Variants in TENM4 observed in about 807,000 individuals in gnomAD.
The protein encoded by TENM4 is teneurin-4.
Under a neutral mutation model 243.3 loss-of-function variants are expected in TENM4, and 82 were observed. The observed-to-expected ratio is 0.34, with a 90% CI of 0.28 to 0.40. The LOEUF is 0.40. TENM4 is among the 10% of genes least tolerant of loss of function. TENM4 has a pLI of 1.00. For synonymous variants in TENM4, 1,412 were observed against 1,456.3 expected, an observed-to-expected ratio of 0.97 and a Z score of 0.69; for missense variants, 3,138 against 3,673.3, an observed-to-expected ratio of 0.85 and a Z score of 3.77.
intron 1 of TENM4, among the ~76,000 whole-genome samples, chr11:79,316,736 T>A (rs1856809043): frequency 6.6e-6 from 1 of 152,180 alleles, no homozygotes; most frequent in Admixed American, 6.5e-5. Context: ...CAAGAGTGCC[T>A]GTGGATTATA....
chr11:78,765,076 C>A (rs747255444), intron 18 of TENM4, among the ~76,000 whole-genome samples: 48 of 152,184 alleles, frequency 3.2e-4, no homozygotes, highest in Non-Finnish European at 3.4e-4. Flanking sequence ...CTTAACTCTT[C>A]CTTGGCTTGA....
intron 3 of TENM4, among the ~76,000 whole-genome samples, chr11:79,194,862 G>A (rs1020606764): frequency 8.5e-5 from 13 of 152,200 alleles, no homozygotes; most frequent in African/African-American, 3.1e-4. Flanking sequence ...AAGACCATGG[G>A]AAAAATATCT....
intron 12 of TENM4, among the ~76,000 whole-genome samples, chr11:78,839,194 A>T (rs988987826): frequency 6.6e-6 from 1 of 152,208 alleles, no homozygotes; most frequent in African/African-American, 2.4e-5. Flanking sequence ...CATGCAATCA[A>T]ATCTCTTCAA....
intron 29 of TENM4, among the ~76,000 whole-genome samples, chr11:78,677,991 T>C (rs1480351143): frequency 9.4e-6 from 1 of 105,956 alleles, no homozygotes; most frequent in Non-Finnish European, 1.9e-5. Context: ...ATCTCATTGT[T>C]CAATTCCCAC....
At chr11:79,188,493 G>T (rs554375560) in intron 3 of TENM4, among the ~76,000 whole-genome samples, 1 of 152,010 alleles carries the variant, frequency 6.6e-6, no homozygotes, top group South Asian at 2.1e-4. Context: ...GATGATGGAG[G>T]TGAGGAAAAG....
intron 32 of TENM4, among the ~76,000 whole-genome samples, chr11:78,666,145 CT>C (rs745836670): frequency 5.9e-5 from 9 of 152,266 alleles, no homozygotes; most frequent in South Asian, 2.1e-4. Context: ...GTAACAGTAT[CT>C]TGGTTCTTAT....
At chr11:79,053,567 C>T (rs982455362) in intron 6 of TENM4, among the ~76,000 whole-genome samples, 3 of 152,194 alleles carry the variant, frequency 2.0e-5, no homozygotes, top group African/African-American at 7.2e-5. Context: ...TAGATCTTTG[C>T]TGTTTCCTAA....
chr11:79,252,395 C>T (rs1005468901), intron 2 of TENM4, among the ~76,000 whole-genome samples: 22 of 152,114 alleles, frequency 1.4e-4, no homozygotes, highest in African/African-American at 4.6e-4. Flanking sequence ...CCACCACACC[C>T]GGCTAATTTT....
intron 6 of TENM4, among the ~76,000 whole-genome samples, chr11:78,938,226 C>T (rs765738390): frequency 1.3e-5 from 2 of 152,244 alleles, no homozygotes; most frequent in Non-Finnish European, 2.9e-5. Flanking sequence ...TTTCTATATT[C>T]TGCCTGCTGG....
At chr11:78,926,676 TG>T (rs1369482192) in intron 6 of TENM4, among the ~76,000 whole-genome samples, 2,825 of 137,488 alleles carry the variant, frequency 0.021, 89 homozygotes, top group African/African-American at 0.075. Flanking sequence ...AGGTGTTTTT[TG>T]TTTTTTTTTT....
At chr11:79,219,834 C>T (rs77925868) in intron 2 of TENM4, among the ~76,000 whole-genome samples, 4,695 of 152,248 alleles carry the variant, frequency 0.031, 263 homozygotes, top group African/African-American at 0.11. Flanking sequence ...ATGCAGAGTG[C>T]CTCTGCTTCT....
chr11:79,409,377 A>G (rs961081698), intron 1 of TENM4, among the ~76,000 whole-genome samples: 23 of 152,010 alleles, frequency 1.5e-4, no homozygotes, highest in Non-Finnish European at 5.9e-5. Context: ...TGAGGCATAC[A>G]TTTCTAAGGC....
At chr11:78,966,835 A>T (rs1857446865) in intron 6 of TENM4, among the ~76,000 whole-genome samples, 2 of 152,056 alleles carry the variant, frequency 1.3e-5, no homozygotes, top group African/African-American at 2.4e-5. Flanking sequence ...GTCCACTGAG[A>T]CTTGCTGAGA....
intron 1 of TENM4, among the ~76,000 whole-genome samples, chr11:79,400,012 G>A (rs185019609): frequency 2.0e-4 from 31 of 152,064 alleles, no homozygotes; most frequent in Non-Finnish European, 3.2e-4. Flanking sequence ...AAACCAGAGA[G>A]CTATCAAGTC....
At chr11:78,998,697 G>A (rs993160917) in intron 6 of TENM4, among the ~76,000 whole-genome samples, 1 of 152,174 alleles carries the variant, frequency 6.6e-6, no homozygotes, top group Non-Finnish European at 1.5e-5. Context: ...TGGCTTACAA[G>A]GTCAGTGGGA....
At chr11:79,071,543 C>G (rs7936970) in intron 4 of TENM4, among the ~76,000 whole-genome samples, 140,764 of 152,120 alleles carry the variant, frequency 0.93, 65,413 homozygotes, top group Middle Eastern at 0.98. Context: ...GATATAAAAG[C>G]TATGACTTTA....
At chr11:78,989,721 G>C (rs1169324071) in intron 6 of TENM4, among the ~76,000 whole-genome samples, 2 of 152,152 alleles carry the variant, frequency 1.3e-5, no homozygotes, top group Non-Finnish European at 2.9e-5. Context: ...GAGCAGCAGT[G>C]CTTAATGAAT....
rs144746790 is a variant in TENM4, at chr11:78,666,082, A to C, written c.7408+2855T>G. ...TTTTTTGTTGTTGTTGCTGGATGGG[A>C]ATGAAGATGCATGTAGTCTACCTGG... On this transcript the variant is annotated intron_variant, in intron 32 of 33. Transcript: ENST00000278550. Among the ~76,000 whole-genome samples the C allele has an allele frequency of 4.8e-3, 736 of 152,208 alleles. 4 individuals are homozygous for C. The highest frequency in any genetic ancestry group is 0.017 in the Middle Eastern group (5 of 294).
At position 79,399,402 on chromosome 11, in the gene TENM4, T is replaced by C. The variant is rs560385392; in HGVS notation, c.-321+41107A>G. ...AATCTGTTAGGAAGGCAGAGAAAGATTGTGGTCCCTGCTACCATAGCCAAG... is the reference window on the plus strand; with the variant it reads ...AATCTGTTAGGAAGGCAGAGAAAGACTGTGGTCCCTGCTACCATAGCCAAG... On this transcript the variant is annotated intron_variant, in intron 1 of 33. Coordinates refer to ENST00000278550, the MANE Select transcript of TENM4 (RefSeq NM_001098816.3). Among the ~76,000 whole-genome samples the C allele has an allele frequency of 4.1e-4, 63 of 152,298 alleles. No homozygotes were observed. In the Middle Eastern group the frequency reaches 0.014, roughly 33 times the overall value.
Sources: gnomAD v4.1 joint callset for allele counts (sites outside exome capture counted in the v4.1 genomes callset) on GRCh38, gnomAD v4.1.1 for gene constraint, MANE v1.5 for transcripts, NCBI Gene and HGNC (gene_info 2026-07-23, HGNC 2026-07-21) for gene names.